The following GPR132 variants were observed in gnomAD, a reference collection of about 807,000 sequenced individuals.
GPR132 encodes the protein G protein-coupled receptor 132, also known as probable G protein-coupled receptor 132.
A neutral mutation model predicts 1.9 loss-of-function variants in GPR132; 4 were observed. The observed-to-expected ratio is 2.13, with a 90% CI of 1.05 to 4.87. The LOEUF (loss-of-function observed/expected upper bound fraction) is 4.87, where lower values mean the gene tolerates loss of function less well. Among genes scored for constraint, GPR132 ranks in the 30% most tolerant of loss-of-function variants. GPR132 has a pLI of 0.01. For missense variants in GPR132, 404 were observed against 512.5 expected, an observed-to-expected ratio of 0.79 and a Z score of 2.04; for synonymous variants, 233 against 234.2, an observed-to-expected ratio of 0.99 and a Z score of 0.05.
chr14:105,052,959 CAA>C (rs754357273), intron 3 of GPR132, among the ~76,000 whole-genome samples: 5 of 115,878 alleles, frequency 4.3e-5, no homozygotes, highest in African/African-American at 6.4e-5. Context: ...GACTCCTTCT[CAA>C]AAAAAAAAAA....
At chr14:105,058,895 C>T (rs1008123831) in intron 1 of GPR132, among the ~76,000 whole-genome samples, 1 of 152,240 alleles carries the variant, frequency 6.6e-6, no homozygotes, top group Non-Finnish European at 1.5e-5. Flanking sequence ...AACCCATCCT[C>T]AGATGGTGTT....
Position 105,056,179 on chromosome 14 carries a change from A to G in GPR132, c.-746-13T>C. 1 of 985,536 alleles carries G rather than the reference A, an allele frequency of 1.0e-6. No homozygotes were observed. Among genetic ancestry groups the G allele is most frequent in the Non-Finnish European group, 1.2e-6 (1 of 830,066 alleles). 61.0% of individuals were successfully genotyped at this position (985,536 alleles called of 1,614,324 possible). On this transcript the variant is annotated splice_polypyrimidine_tract_variant and intron_variant, in intron 2 of 3. Transcript: ENST00000329797. The surrounding 1 kb of genome is among the most constrained non-coding windows in gnomAD (Gnocchi z 6.0). ...CTCACCTTCCTCCCTGGGCAGAGGGAGAGAGTGGGTGTGACTGGGCTGCCT... is the reference window on the plus strand; with the variant it reads ...CTCACCTTCCTCCCTGGGCAGAGGGGGAGAGTGGGTGTGACTGGGCTGCCT...
Position 105,054,055 on chromosome 14 carries a change from C to T in GPR132, c.34+1332G>A, listed in dbSNP as rs752795935. 31 of 1,288,418 alleles carry T rather than the reference C, an allele frequency of 2.4e-5. No individual in the cohort carries two copies. In the Middle Eastern group the frequency reaches 6.4e-4, roughly 27 times the overall value. The allele number at this position is 1,288,418 out of a possible 1,614,324, so 79.8% of individuals were successfully genotyped here. On this transcript the variant is annotated intron_variant, in intron 3 of 3. Transcript: ENST00000329797. Reference sequence around the variant, plus strand: ...CTGCCAGCGCCACCAGCTCCAGTGTCCTGGCTGCCCACTCTGGCTGAGTTC... The same window carrying T: ...CTGCCAGCGCCACCAGCTCCAGTGTTCTGGCTGCCCACTCTGGCTGAGTTC...
chr14:105,054,035 A>G, intron 3 of GPR132: 1 of 1,287,632 alleles, frequency 7.8e-7, no homozygotes, highest in Non-Finnish European at 1.0e-6. Flanking sequence ...AAGCTCTGCC[A>G]GCGCCACCAG....
Position 105,051,281 on chromosome 14 carries a change from G to A in GPR132, c.856C>T (p.Leu286=), listed in dbSNP as rs148766492. The change falls in exon 4 of 4, where the codon CTG becomes TTG. Residue 286 remains leucine, a synonymous_variant. Transcript: ENST00000329797. This position sits in a 1 kb window ranked among gnomAD's most constrained non-coding sequence, Gnocchi z 8.0. ...RNAMCGLEER[L]YTASVVFLCL... ...AGAAACACCACAGAGGCTGTGTACAGCCTTTCCTCCAAGCCGCACATGGCG... is the reference window on the plus strand; with the variant it reads ...AGAAACACCACAGAGGCTGTGTACAACCTTTCCTCCAAGCCGCACATGGCG... The A allele has an allele frequency of 2.9e-5, 47 of 1,613,990 alleles. No homozygotes were observed. The East Asian group carries it at 1.0e-3, about 36-fold the overall frequency.
In GPR132 at chr14:105,049,481, T is replaced by G. The variant is rs566829842; in HGVS notation, c.*1513A>C. 2 of 152,268 alleles carry G rather than the reference T, an allele frequency of 1.3e-5. No homozygotes were observed. The highest frequency in any genetic ancestry group is 1.3e-4 in the Admixed American group (2 of 15,290). 9.4% of individuals were successfully genotyped at this position (152,268 alleles called of 1,614,324 possible). Reference sequence around the variant, plus strand: ...TTTTGCCATGTTGCCGAGGCTGGTCTCAAACTCCTGACCTCAACTGATCCT... The same window carrying G: ...TTTTGCCATGTTGCCGAGGCTGGTCGCAAACTCCTGACCTCAACTGATCCT... On this transcript the variant is annotated 3_prime_UTR_variant, in exon 4 of 4. Coordinates refer to ENST00000329797, the MANE Select transcript of GPR132 (RefSeq NM_013345.4).
chr14:105,061,019 G>A (rs1340756263), intron 1 of GPR132, among the ~76,000 whole-genome samples: 1 of 152,280 alleles, frequency 6.6e-6, no homozygotes, highest in Non-Finnish European at 1.5e-5. Context: ...CCCATGCAGC[G>A]TGAGCTGCTG....
intron 1 of GPR132, among the ~76,000 whole-genome samples, chr14:105,064,771 G>A (rs1204245232): frequency 1.3e-5 from 2 of 152,172 alleles, no homozygotes; most frequent in Non-Finnish European, 2.9e-5. Context: ...ACAGACCCAC[G>A]TCATGCACTT....
chr14:105,055,453 T>A lies in GPR132; in HGVS notation c.-33A>T, dbSNP rs1424698838. ...CTTCTGCAACCATCGCCAGCATCCG[T>A]CGGCAGAACCTTCTCATCTTCCCAA... On this transcript the variant is annotated 5_prime_UTR_variant, in exon 3 of 4. Coordinates refer to ENST00000329797, the MANE Select transcript of GPR132 (RefSeq NM_013345.4). This position sits in a 1 kb window ranked among gnomAD's most constrained non-coding sequence, Gnocchi z 4.7. The A allele has an allele frequency of 1.3e-5, 10 of 780,082 alleles. No individual in the cohort carries two copies. The highest frequency in any genetic ancestry group is 2.4e-5 in the Non-Finnish European group (10 of 417,378). 48.3% of individuals were successfully genotyped at this position (780,082 alleles called of 1,614,324 possible). A position where few individuals can be genotyped will look rare whatever the true frequency, so the allele number is the denominator to read the frequency against.
chr14:105,059,238 G>A lies in GPR132; in HGVS notation c.-860-1958C>T, dbSNP rs1451295996. Among the ~76,000 whole-genome samples, 5 of 152,232 alleles carry A rather than the reference G, an allele frequency of 3.3e-5. No individual in the cohort carries two copies. The highest frequency in any genetic ancestry group is 3.3e-4 in the Admixed American group (5 of 15,288). On this transcript the variant is annotated intron_variant, in intron 1 of 3. Transcript: ENST00000329797. The surrounding 1 kb of genome is among the most constrained non-coding windows in gnomAD (Gnocchi z 4.2). ...AGGCTGGCCAGGGGCACTCCCTGGA[G>A]CCACTTGCTCTTCCCGCCCATCCCA...
chr14:105,064,623 C>T (rs1195270504), intron 1 of GPR132, among the ~76,000 whole-genome samples: 1 of 152,144 alleles, frequency 6.6e-6, no homozygotes, highest in African/African-American at 2.4e-5. Context: ...CATGAACCAC[C>T]GTGCCCAGCC....
chr14:105,062,179 C>T (rs903369730), intron 1 of GPR132, among the ~76,000 whole-genome samples: 8 of 152,364 alleles, frequency 5.3e-5, no homozygotes, highest in African/African-American at 1.7e-4. Context: ...CTGACACCCC[C>T]GTCCACCCAT....
At position 105,051,517 on chromosome 14, in the gene GPR132, C is replaced by T; in HGVS notation, c.620G>A (p.Gly207Asp). The change falls in exon 4 of 4, where the codon GGC becomes GAC. Residue 207 changes from glycine to aspartate, a missense_variant. Coordinates refer to ENST00000329797, the MANE Select transcript of GPR132 (RefSeq NM_013345.4). This position sits in a 1 kb window ranked among gnomAD's most constrained non-coding sequence, Gnocchi z 8.0. Reference sequence around the variant, plus strand: ...GATGATGGAGAGAGGGATGGCAAAGCCAACGGTGAACCTGGCGTAGTAGTA... The same window carrying T: ...GATGATGGAGAGAGGGATGGCAAAGTCAACGGTGAACCTGGCGTAGTAGTA... The part of the protein sequence containing the change: ...AGYYYARFTV[G>D]FAIPLSIIAF... 6.2e-7 allele frequency: 1 copy of T among 1,613,984 alleles called. No individual in the cohort carries two copies. Among genetic ancestry groups the T allele is most frequent in the South Asian group, 1.1e-5 (1 of 91,088 alleles).
intron 3 of GPR132, chr14:105,054,213 C>G (rs1390193354): frequency 1.1e-5 from 13 of 1,204,518 alleles, no homozygotes; most frequent in Non-Finnish European, 1.3e-5. Flanking sequence ...CACAGCAGCC[C>G]CGGGCGGGGC....
Position 105,055,403 on chromosome 14 carries a change from C to T in GPR132, c.18G>A (p.Leu6=), listed in dbSNP as rs760523296. Residue 6 remains leucine, a synonymous_variant, in exon 3 of 4, where the codon CTG becomes CTA. Coordinates refer to ENST00000329797, the MANE Select transcript of GPR132 (RefSeq NM_013345.4). The surrounding 1 kb of genome is among the most constrained non-coding windows in gnomAD (Gnocchi z 4.7). ...GGAATTTACCATTGTAACCGTTTTT[C>T]AGTAGCATTGGGCACATTCACATTC... The part of the protein sequence containing the change: MCPML[L]KNGYNGNATP... The T allele has an allele frequency of 1.3e-6, 1 of 781,054 alleles. No individual in the cohort carries two copies. The highest frequency in any genetic ancestry group is 1.3e-5 in the South Asian group (1 of 74,620). The allele number at this position is 781,054 out of a possible 1,614,324, so 48.4% of individuals were successfully genotyped here.
chr14:105,063,280 A>T (rs1886997732), intron 1 of GPR132, among the ~76,000 whole-genome samples: 1 of 151,666 alleles, frequency 6.6e-6, no homozygotes, highest in South Asian at 2.1e-4. Flanking sequence ...ACATTTCAAT[A>T]ACAGGATCTA....
chr14:105,057,364 T>C, intron 1 of GPR132, 84 bp from the exon 2 acceptor site: 1 of 565,766 alleles, frequency 1.8e-6, no homozygotes, highest in Non-Finnish European at 3.1e-6. Context: ...TAGTGAGTAT[T>C]TACTAATTTA....
intron 1 of GPR132, among the ~76,000 whole-genome samples, chr14:105,061,054 G>A (rs373648059): frequency 2.6e-5 from 4 of 152,396 alleles, no homozygotes; most frequent in South Asian, 2.1e-4. Context: ...CCACGTGCCT[G>A]ACCTTTGGGC....
rs757887147 is a variant in GPR132 at position 105,059,732 on chromosome 14, C to T, written c.-860-2452G>A. On this transcript the variant is annotated intron_variant, in intron 1 of 3. Coordinates refer to ENST00000329797, the MANE Select transcript of GPR132 (RefSeq NM_013345.4). The surrounding 1 kb of genome is among the most constrained non-coding windows in gnomAD (Gnocchi z 4.2). ...AGGCTGCGCCCGACCACCCTGGGCA[C>T]GTCATCAGGACTTCCTGAGGCTGTG... 6.6e-6 allele frequency among the ~76,000 whole-genome samples: 1 copy of T among 152,124 alleles called. No homozygotes were observed. The highest frequency in any genetic ancestry group is 1.5e-5 in the Non-Finnish European group (1 of 68,022).
Sources: allele counts gnomAD v4.1 joint callset (sites outside exome capture counted in the v4.1 genomes callset), GRCh38; gene constraint gnomAD v4.1.1; non-coding constraint Gnocchi (gnomAD v3.1); transcripts MANE v1.5; gene names NCBI Gene and HGNC (gene_info 2026-07-23, HGNC 2026-07-21).